Variants in OPN3 observed in about 807,000 individuals in gnomAD.
OPN3 encodes opsin 3.
In OPN3, 29 loss-of-function variants were observed where a neutral mutation model predicts 33.8. The observed-to-expected ratio is 0.86, with a 90% CI of 0.64 to 1.17. The LOEUF (loss-of-function observed/expected upper bound fraction) is 1.17, where lower values mean the gene tolerates loss of function less well. OPN3 is among the 50% of genes most tolerant of loss of function. The pLI is 0.00. For synonymous variants in OPN3, 216 were observed against 216.1 expected, an observed-to-expected ratio of 1.00 and a Z score of 0.00; for missense variants, 437 against 514.1, an observed-to-expected ratio of 0.85 and a Z score of 1.45.
At chr1:241,630,059 C>T (rs531080726) in intron 1 of OPN3, 1 of 152,160 alleles carries the variant, frequency 6.6e-6, no homozygotes, top group African/African-American at 2.4e-5. Context: ...CACATATTGG[C>T]ATTTCTTTGG....
intron 1 of OPN3, among the ~76,000 whole-genome samples, chr1:241,605,937 A>G (rs1258781839): frequency 6.6e-6 from 1 of 152,234 alleles, no homozygotes; most frequent in African/African-American, 2.4e-5. Context: ...TCTATGAAAT[A>G]GTAAATTATG....
At chr1:241,639,817 G>A in intron 1 of OPN3, 65 bp downstream of exon 1, 2 of 1,363,102 alleles carry the variant, frequency 1.5e-6, no homozygotes, top group South Asian at 3.2e-5. Context: ...GACGCACGGA[G>A]CGGGCAGCGG....
At chr1:241,598,081 C>G in intron 2 of OPN3, 84 bp from the exon 3 acceptor site, 1 of 1,426,690 alleles carries the variant, frequency 7.0e-7, no homozygotes, top group Non-Finnish European at 9.3e-7. Context: ...TATTCAGACA[C>G]CATTCTTGGC....
chr1:241,598,591 G>A (rs1429249437), intron 2 of OPN3, among the ~76,000 whole-genome samples: 1 of 152,188 alleles, frequency 6.6e-6, no homozygotes. Flanking sequence ...ATCACTTGCA[G>A]AGAACAGCAC....
intron 1 of OPN3, among the ~76,000 whole-genome samples, chr1:241,616,593 T>C (rs546995358): frequency 6.6e-6 from 1 of 152,114 alleles, no homozygotes; most frequent in South Asian, 2.1e-4. Flanking sequence ...GACATCATTT[T>C]GGCACCGAGA....
chr1:241,635,748 T>G, intron 1 of OPN3: 1 of 1,609,410 alleles, frequency 6.2e-7, no homozygotes, highest in Non-Finnish European at 8.5e-7. Context: ...TCAAACTCTG[T>G]GGGAAGATTG....
chr1:241,624,559 C>A lies in OPN3; in HGVS notation c.373+15323G>T, dbSNP rs182731724. Among the ~76,000 whole-genome samples the A allele has an allele frequency of 3.5e-4, 53 of 152,334 alleles. 1 individual carries two copies. In the East Asian group the frequency reaches 9.8e-3, roughly 28 times the overall value. On this transcript the variant is annotated intron_variant, in intron 1 of 3. Coordinates refer to ENST00000366554, the MANE Select transcript of OPN3 (RefSeq NM_014322.3). ...ATTAATATGGTGGTTAATTGTGCAT[C>A]AATGTCAGGCCCAATGGCTTGAGCG...
At chr1:241,611,446 G>A (rs1663990751) in intron 1 of OPN3, among the ~76,000 whole-genome samples, 1 of 149,318 alleles carries the variant, frequency 6.7e-6, no homozygotes. Context: ...GTGGGAAGCA[G>A]GTACCACCTG....
chr1:241,600,276 A>AT (rs1384399498), intron 2 of OPN3: 2 of 152,136 alleles, frequency 1.3e-5, no homozygotes, highest in South Asian at 2.1e-4. Flanking sequence ...TTTCATGATT[A>AT]TTTTTTATTT....
At chr1:241,619,474 G>C (rs1472823769) in intron 1 of OPN3, among the ~76,000 whole-genome samples, 1 of 152,028 alleles carries the variant, frequency 6.6e-6, no homozygotes, top group African/African-American at 2.4e-5. Flanking sequence ...CTATCTCCTT[G>C]TCTTTTGCAA....
chr1:241,636,523 T>G (rs971728862), intron 1 of OPN3, among the ~76,000 whole-genome samples: 1 of 152,218 alleles, frequency 6.6e-6, no homozygotes, highest in Non-Finnish European at 1.5e-5. Flanking sequence ...CCAGAACAGC[T>G]GAATATAAGA....
chr1:241,618,294 C>T lies in OPN3; in HGVS notation c.374-13715G>A, dbSNP rs150077897. Among the ~76,000 whole-genome samples, 470 of 152,274 alleles carry T rather than the reference C, an allele frequency of 3.1e-3. 4 individuals are homozygous for T. Among genetic ancestry groups the T allele is most frequent in the African/African-American group, 0.01 (428 of 41,548 alleles). ...TGCCAGCTTTTGAAATAGCTACATACGAAACTCCTGAGGAGATGGTTTAAA... is the reference window on the plus strand; with the variant it reads ...TGCCAGCTTTTGAAATAGCTACATATGAAACTCCTGAGGAGATGGTTTAAA... On this transcript the variant is annotated intron_variant, in intron 1 of 3. Coordinates refer to ENST00000366554, the MANE Select transcript of OPN3 (RefSeq NM_014322.3).
chr1:241,594,102 T>C lies in OPN3; in HGVS notation c.*326A>G, dbSNP rs1236343347. 3 of 260,264 alleles carry C rather than the reference T, an allele frequency of 1.2e-5. No individual in the cohort carries two copies. In the East Asian group the frequency reaches 2.5e-4, roughly 22 times the overall value. 16.1% of individuals were successfully genotyped at this position (260,264 alleles called of 1,614,324 possible). On this transcript the variant is annotated 3_prime_UTR_variant, in exon 4 of 4. Coordinates refer to ENST00000366554, the MANE Select transcript of OPN3 (RefSeq NM_014322.3). ...TACAGTAAGGTATTTTCGAGAAAAA[T>C]GCATTACGTGTTTTGGAAAATAGAG... is the stretch of plus-strand genomic sequence containing the variant.
intron 3 of OPN3, among the ~76,000 whole-genome samples, chr1:241,596,798 C>CT (rs1663530363): frequency 6.6e-6 from 1 of 152,260 alleles, no homozygotes; most frequent in African/African-American, 2.4e-5. Context: ...AAGTCAAAAC[C>CT]TTTCAACTAC....
At chr1:241,629,916 A>AT (rs962179658) in intron 1 of OPN3, 3 of 151,938 alleles carry the variant, frequency 2.0e-5, no homozygotes, top group African/African-American at 7.2e-5. Context: ...CAAGGCTCCC[A>AT]TTTTTTCCCC....
At chr1:241,617,837 G>A (rs1283743933) in intron 1 of OPN3, among the ~76,000 whole-genome samples, 6 of 152,142 alleles carry the variant, frequency 3.9e-5, no homozygotes, top group African/African-American at 4.8e-5. Context: ...TCTATGTTTG[G>A]GCAAAATGCT....
intron 1 of OPN3, among the ~76,000 whole-genome samples, chr1:241,627,156 T>A (rs1163248438): frequency 6.6e-6 from 1 of 152,196 alleles, no homozygotes; most frequent in African/African-American, 2.4e-5. Context: ...CATATCAGAA[T>A]AAAGAGATCG....
chr1:241,605,450 G>A (rs12033126), intron 1 of OPN3, among the ~76,000 whole-genome samples: 79,730 of 151,882 alleles, frequency 0.52, 21,716 homozygotes, highest in South Asian at 0.64. Context: ...GTCTTCACGT[G>A]TACCGCTATT....
In OPN3 at chr1:241,594,066, A is replaced by T. The variant is rs1318258050; in HGVS notation, c.*362T>A. The stretch of plus-strand genomic sequence containing the variant: ...TAGCTACTTCACACATGTGTACGCG[A>T]CAGTTATTTTTACAGTAAGGTATTT... On this transcript the variant is annotated 3_prime_UTR_variant, in exon 4 of 4. Transcript: ENST00000366554. 5 of 235,736 alleles carry T rather than the reference A, an allele frequency of 2.1e-5. No homozygotes were observed. Among genetic ancestry groups the T allele is most frequent in the South Asian group, 1.4e-4 (2 of 14,462 alleles). The allele number at this position is 235,736 out of a possible 1,614,324, so 14.6% of individuals were successfully genotyped here.
Sources: gnomAD v4.1 joint callset for allele counts (sites outside exome capture counted in the v4.1 genomes callset) on GRCh38, gnomAD v4.1.1 for gene constraint, MANE v1.5 for transcripts, NCBI Gene and HGNC (gene_info 2026-07-23, HGNC 2026-07-21) for gene names.